MTMR10: variants seen among roughly 807,000 people sequenced by gnomAD.
MTMR10 encodes myotubularin-related protein 10.
In MTMR10, 56 loss-of-function variants were observed where a neutral mutation model predicts 88.1. The ratio of observed to expected loss-of-function variants is 0.64; its 90% CI spans 0.51 to 0.79. The LOEUF is 0.79. MTMR10 is among the 30% of genes least tolerant of loss of function. The pLI is 0.00. For missense variants in MTMR10, 883 were observed against 924.7 expected (o/e 0.95, Z 0.58); for synonymous variants, 380 against 340.9 (o/e 1.11, Z -1.26).
At chr15:30,988,730 T>C (rs746757108) in intron 2 of MTMR10, among the ~76,000 whole-genome samples, 11 of 152,314 alleles carry the variant, frequency 7.2e-5, no homozygotes, top group Middle Eastern at 3.4e-3. Context: ...GGCTCACGCC[T>C]GTAATCCCAG....
intron 14 of MTMR10, chr15:30,943,721 G>A: frequency 2.0e-6 from 2 of 985,436 alleles, no homozygotes; most frequent in African/African-American, 3.5e-5. Context: ...CTAGTTATCT[G>A]GCTTCCCACC....
At chr15:30,927,099 C>T in the MTMR10 span, 59 of 937,604 alleles carry the variant, frequency 6.3e-5, no homozygotes, top group Admixed American at 1.2e-4. Flanking sequence ...ATCACTTGAA[C>T]TCTGAAGACG....
chr15:30,937,212 T>G (rs1317825586), downstream of MTMR10: 4 of 1,614,034 alleles, frequency 2.5e-6, no homozygotes, highest in African/African-American at 4.0e-5. Flanking sequence ...AGTAGAAGTC[T>G]GCCATGTGGT....
the MTMR10 span, among the ~76,000 whole-genome samples, chr15:30,920,301 C>T: frequency 4.6e-5 from 7 of 152,136 alleles, no homozygotes; most frequent in African/African-American, 1.4e-4. Context: ...GGCTGTGGGC[C>T]GGAGTTTGCT....
intron 14 of MTMR10, among the ~76,000 whole-genome samples, chr15:30,945,262 T>G (rs2063153447): frequency 6.6e-6 from 1 of 152,128 alleles, no homozygotes; most frequent in Non-Finnish European, 1.5e-5. Context: ...ATGTTAGTAT[T>G]TGTCAGAAAA....
At chr15:30,921,271 G>C in the MTMR10 span, among the ~76,000 whole-genome samples, 1 of 152,210 alleles carries the variant, frequency 6.6e-6, no homozygotes, top group Non-Finnish European at 1.5e-5. Context: ...CAGGTCTGCA[G>C]CCTGAGCCTG....
In MTMR10 at chr15:30,941,465, C is replaced by CTAT; in HGVS notation, c.*2_*4dup. 1 of 1,597,128 alleles carries CTAT rather than the reference C, an allele frequency of 6.3e-7. No individual in the cohort carries two copies. Among genetic ancestry groups the CTAT allele is most frequent in the Middle Eastern group, 1.7e-4 (1 of 5,966 alleles). On this transcript the variant is annotated 3_prime_UTR_variant, in exon 16 of 16. Coordinates refer to ENST00000435680, the MANE Select transcript of MTMR10 (RefSeq NM_017762.3). Reference sequence around the variant, plus strand: ...TCCCTCAAAATGTTCAGAAAACACCCTATTTTAGTCTTCATTTGCTAATGT... The same window carrying CTAT: ...TCCCTCAAAATGTTCAGAAAACACCCTATTATTTTAGTCTTCATTTGCTAATGT...
chr15:30,941,606 T>C lies in MTMR10; in HGVS notation c.2198A>G (p.Glu733Gly). 1.2e-6 allele frequency: 2 copies of C among 1,600,708 alleles called. No homozygotes were observed. Among genetic ancestry groups the C allele is most frequent in the Non-Finnish European group, 1.7e-6 (2 of 1,173,154 alleles). The stretch of plus-strand genomic sequence containing the variant: ...AAATGGAAATGAGGAGGAGAGAAAC[T>C]CCGGTGTCCCCGAGGTGTCGGTGTG... The part of the protein sequence containing the change: ...PHHTDTSGTP[E>G]FLSSSFPFSP... The change falls in exon 16 of 16, where the codon GAG becomes GGG. Residue 733 changes from glutamate (E) to glycine (G), a missense_variant. This residue lies in a region of MTMR10 where 343 missense variants were observed against 323.2 expected (regional missense o/e 1.06). Coordinates refer to ENST00000435680, the MANE Select transcript of MTMR10 (RefSeq NM_017762.3).
In MTMR10 at chr15:30,987,953, AT is replaced by A. The variant is rs373435886; in HGVS notation, c.121+2823del. Among the ~76,000 whole-genome samples, 107 of 147,588 alleles carry A rather than the reference AT, an allele frequency of 7.2e-4. 1 individual carries two copies. Among genetic ancestry groups the A allele is most frequent in the Middle Eastern group, 3.5e-3 (1 of 282 alleles). ...TGAACAATAACTTCTGCATCCCTGT[AT>A]ATAGCCACAGGTGATGTGGCCAGGT... On this transcript the variant is annotated intron_variant, in intron 2 of 15. Coordinates refer to ENST00000435680, the MANE Select transcript of MTMR10 (RefSeq NM_017762.3).
In MTMR10 at chr15:30,939,370, C is replaced by T. The variant is rs1357312186; in HGVS notation, c.*2100G>A. ...CAGGGGTGCTGAGCTCTCTCTAGTGCGCCCTGTGCAGCCACACCACTGCTG... is the reference window on the plus strand; with the variant it reads ...CAGGGGTGCTGAGCTCTCTCTAGTGTGCCCTGTGCAGCCACACCACTGCTG... On this transcript the variant is annotated 3_prime_UTR_variant, in exon 16 of 16. Transcript: ENST00000435680. 5.1e-6 allele frequency: 5 copies of T among 985,450 alleles called. No individual in the cohort carries two copies. The highest frequency in any genetic ancestry group is 9.4e-5 in the South Asian group (2 of 21,290). 61.0% of individuals were successfully genotyped at this position (985,450 alleles called of 1,614,324 possible).
chr15:30,926,021 G>C, the MTMR10 span: 1 of 1,403,938 alleles, frequency 7.1e-7, no homozygotes, highest in African/African-American at 1.4e-5. Context: ...GCAGTGGGCT[G>C]CTGTCCTCTC....
chr15:30,919,673 A>G, the MTMR10 span, among the ~76,000 whole-genome samples: 1 of 148,346 alleles, frequency 6.7e-6, no homozygotes, highest in Non-Finnish European at 1.5e-5. Flanking sequence ...TGGGTGACAG[A>G]GCGAGACTCT....
At chr15:30,930,618 C>T in the MTMR10 span, 21 of 1,612,786 alleles carry the variant, frequency 1.3e-5, no homozygotes, top group East Asian at 2.2e-5. Flanking sequence ...TCGACACTGT[C>T]GAGGGGGCCT....
chr15:30,930,647 G>A, the MTMR10 span: 1 of 1,612,976 alleles, frequency 6.2e-7, no homozygotes, highest in Non-Finnish European at 8.5e-7. Flanking sequence ...TGGTGGTGTG[G>A]AACTCCCAGA....
At position 30,974,991 on chromosome 15, in the gene MTMR10, T is replaced by C. The variant is rs1395983969; in HGVS notation, c.271A>G (p.Arg91Gly). 6.4e-7 allele frequency: 1 copy of C among 1,567,386 alleles called. No individual in the cohort carries two copies. The highest frequency in any genetic ancestry group is 8.7e-7 in the Non-Finnish European group (1 of 1,154,022). Reference protein sequence around the residue: ...DPMPLQKFHYRNLLLGEHDVP... With the variant: ...DPMPLQKFHYGNLLLGEHDVP... Reference sequence around the variant, plus strand: ...TCGTGTTCACCAAGAAGAAGGTTTCTGTAATGGAATTTCTGGAATAAAAAA... The same window carrying C: ...TCGTGTTCACCAAGAAGAAGGTTTCCGTAATGGAATTTCTGGAATAAAAAA... The change falls in exon 4 of 16, where the codon AGA (arginine) becomes GGA (glycine). Residue 91 changes from arginine to glycine, a missense_variant. Arg to Gly is a moderately radical substitution (Grantham distance 125). Transcript: ENST00000435680.
At chr15:30,932,581 A>T in the MTMR10 span, among the ~76,000 whole-genome samples, 2 of 152,214 alleles carry the variant, frequency 1.3e-5, no homozygotes, top group East Asian at 3.9e-4. Context: ...TATAAATTAA[A>T]TTTATTTTTA....
the MTMR10 span, chr15:30,920,725 G>C: frequency 3.5e-6 from 3 of 848,124 alleles, no homozygotes; most frequent in Non-Finnish European, 5.7e-6. Flanking sequence ...GACAGCTGTC[G>C]GGCTCTCAGC....
chr15:30,954,447 C>G (rs2063293486), intron 10 of MTMR10, among the ~76,000 whole-genome samples: 2 of 152,186 alleles, frequency 1.3e-5, no homozygotes, highest in African/African-American at 2.4e-5. Context: ...GTATTACAAT[C>G]TTAATAAGTT....
rs1335641472 is a variant in MTMR10, at chr15:30,943,053, T to C, written c.1568A>G (p.Asn523Ser). The C allele has an allele frequency of 8.5e-6, 13 of 1,534,446 alleles. No individual in the cohort carries two copies. Among genetic ancestry groups the C allele is most frequent in the Non-Finnish European group, 1.8e-6 (2 of 1,142,494 alleles). Residue 523 changes from asparagine to serine, a missense_variant, in exon 15 of 16, where the codon AAC (asparagine) becomes AGC (serine). Physicochemically the swap from Asn to Ser is conservative, Grantham distance 46. Coordinates refer to ENST00000435680, the MANE Select transcript of MTMR10 (RefSeq NM_017762.3). ...KQSTEFAISK[N>S]IQLGDEKGLK... The stretch of plus-strand genomic sequence containing the variant: ...GCCCTTCTCATCACCCAATTGGATG[T>C]TTTTGCTTATAGCAAATTCCTGCAA...
Sources: gnomAD v4.1 joint callset for allele counts (sites outside exome capture counted in the v4.1 genomes callset) on GRCh38, gnomAD v4.1.1 for gene constraint, gnomAD v4.1.1 regional missense constraint, MANE v1.5 for transcripts, NCBI Gene and HGNC (gene_info 2026-07-23, HGNC 2026-07-21) for gene names.